RABGAP1L: variants seen among roughly 807,000 people sequenced by gnomAD.
RABGAP1L encodes rab GTPase-activating protein 1-like.
Under a neutral mutation model 137.7 loss-of-function variants are expected in RABGAP1L, and 63 were observed. The ratio of observed to expected loss-of-function variants is 0.46; its 90% CI spans 0.37 to 0.56. The LOEUF (loss-of-function observed/expected upper bound fraction) is 0.56. Among genes scored for constraint, RABGAP1L ranks in the 20% least tolerant of loss-of-function variants. RABGAP1L has a pLI of 0.00. For synonymous variants in RABGAP1L, 431 were observed against 433.7 expected, an observed-to-expected ratio of 0.99 and a Z score of 0.08; for missense variants, 1,095 against 1,244.0, an observed-to-expected ratio of 0.88 and a Z score of 1.80.
chr1:174,700,178 A>G (rs1679544785), intron 16 of RABGAP1L, among the ~76,000 whole-genome samples: 1 of 152,216 alleles, frequency 6.6e-6, no homozygotes, highest in Non-Finnish European at 1.5e-5. Flanking sequence ...TGTGTGAGAA[A>G]CATGCATCCT....
At chr1:174,537,038 A>G (rs1664949135) in intron 13 of RABGAP1L, among the ~76,000 whole-genome samples, 1 of 152,192 alleles carries the variant, frequency 6.6e-6, no homozygotes, top group Non-Finnish European at 1.5e-5. Flanking sequence ...TTGACTTAAA[A>G]GGCCAACAAT....
Position 174,737,255 on chromosome 1 carries a change from C to T in RABGAP1L, c.2170-15058C>T, listed in dbSNP as rs78256769. Reference sequence around the variant, plus strand: ...TTGTAGGTTGTTAGAAGCAGCCATACTACCTCTAGAACACTTTGCTGCTTA... The same window carrying T: ...TTGTAGGTTGTTAGAAGCAGCCATATTACCTCTAGAACACTTTGCTGCTTA... On this transcript the variant is annotated intron_variant, in intron 17 of 25. Transcript: ENST00000681986. Among the ~76,000 whole-genome samples, 1,469 of 152,286 alleles carry T rather than the reference C, an allele frequency of 9.6e-3. 11 individuals carry two copies. The highest frequency in any genetic ancestry group is 0.013 in the Non-Finnish European group (873 of 68,020).
At chr1:174,987,753 C>T (rs916239690) in intron 24 of RABGAP1L, among the ~76,000 whole-genome samples, 4 of 152,136 alleles carry the variant, frequency 2.6e-5, no homozygotes, top group African/African-American at 9.7e-5. Context: ...AAAACAGTTG[C>T]TGTTGTTTAG....
At chr1:174,638,921 GAT>G (rs1253148803) in intron 14 of RABGAP1L, among the ~76,000 whole-genome samples, 8 of 139,264 alleles carry the variant, frequency 5.7e-5, no homozygotes, top group Admixed American at 1.4e-4. Flanking sequence ...AGCATTGGGA[GAT>G]ATACCTAATG....
At chr1:174,327,998 T>TATAC (rs1680673394) in intron 11 of RABGAP1L, among the ~76,000 whole-genome samples, 1 of 90,144 alleles carries the variant, frequency 1.1e-5, no homozygotes, top group Admixed American at 1.1e-4. Context: ...TATATATATA[T>TATAC]ATATATATAT....
chr1:174,625,881 ATAT>A (rs1384426713), intron 13 of RABGAP1L, among the ~76,000 whole-genome samples: 1 of 152,218 alleles, frequency 6.6e-6, no homozygotes, highest in East Asian at 1.9e-4. Flanking sequence ...AAGTAAAGGA[ATAT>A]TATTTTTATA....
At chr1:174,435,313 T>A (rs1653129753) in intron 13 of RABGAP1L, among the ~76,000 whole-genome samples, 1 of 152,226 alleles carries the variant, frequency 6.6e-6, no homozygotes, top group African/African-American at 2.4e-5. Flanking sequence ...CCACTGCACC[T>A]GTTCATCTTT....
chr1:174,989,830 A>G lies in RABGAP1L; in HGVS notation c.3004-19A>G, dbSNP rs1016896261. 6.5e-7 allele frequency: 1 copy of G among 1,546,368 alleles called. No homozygotes were observed. Among genetic ancestry groups the G allele is most frequent in the African/African-American group, 1.4e-5 (1 of 72,770 alleles). On this transcript the variant is annotated intron_variant, in intron 25 of 25. Coordinates refer to ENST00000681986, the MANE Select transcript of RABGAP1L (RefSeq NM_001366446.1). The stretch of plus-strand genomic sequence containing the variant: ...AGAAAACATTTATTTAACTCAGATG[A>G]TTTTCTTGCTTTAATTAGGAACTTG...
chr1:174,863,301 T>C lies in RABGAP1L; in HGVS notation c.2340+51341T>C, dbSNP rs565147312. 2.1e-3 allele frequency among the ~76,000 whole-genome samples: 320 copies of C among 150,166 alleles called. 1 individual carries two copies. The highest frequency in any genetic ancestry group is 3.8e-3 in the Non-Finnish European group (259 of 67,562). ...CTTTTTTCTCCCTTCAACCTCTTAGTAACATTGCTGTATTTGTCATTTACT... is the reference window on the plus strand; with the variant it reads ...CTTTTTTCTCCCTTCAACCTCTTAGCAACATTGCTGTATTTGTCATTTACT... On this transcript the variant is annotated intron_variant, in intron 19 of 25. Coordinates refer to ENST00000681986, the MANE Select transcript of RABGAP1L (RefSeq NM_001366446.1).
intron 18 of RABGAP1L, among the ~76,000 whole-genome samples, chr1:174,764,388 T>C (rs1444624469): frequency 1.3e-5 from 2 of 152,118 alleles, no homozygotes; most frequent in African/African-American, 2.4e-5. Context: ...TGCCAAACAG[T>C]TTTCCAAAGC....
intron 18 of RABGAP1L, among the ~76,000 whole-genome samples, chr1:174,779,445 G>A (rs1686779514): frequency 6.6e-6 from 1 of 152,186 alleles, no homozygotes; most frequent in Admixed American, 6.5e-5. Context: ...TTTAAAGACA[G>A]TGTGAGGCTG....
intron 11 of RABGAP1L, among the ~76,000 whole-genome samples, chr1:174,337,648 G>A (rs1681603675): frequency 1.3e-5 from 2 of 152,046 alleles, no homozygotes; most frequent in South Asian, 4.2e-4. Flanking sequence ...TCATTTGAGG[G>A]GATAAAAGCC....
At chr1:174,590,088 G>C (rs1437382589) in intron 13 of RABGAP1L, among the ~76,000 whole-genome samples, 1 of 144,058 alleles carries the variant, frequency 6.9e-6, no homozygotes, top group Non-Finnish European at 1.5e-5. Context: ...CATGAACATG[G>C]AATATCTTTC....
intron 19 of RABGAP1L, among the ~76,000 whole-genome samples, chr1:174,819,390 T>A (rs1339155632): frequency 6.6e-6 from 1 of 152,068 alleles, no homozygotes; most frequent in East Asian, 1.9e-4. Flanking sequence ...ACCTACTATA[T>A]GCCAGGCATT....
chr1:174,902,823 G>C (rs1010117566), intron 19 of RABGAP1L, among the ~76,000 whole-genome samples: 1 of 152,172 alleles, frequency 6.6e-6, no homozygotes, highest in Admixed American at 6.5e-5. Flanking sequence ...TGGGTCAGGT[G>C]GTTTGCCTAG....
intron 1 of RABGAP1L, among the ~76,000 whole-genome samples, chr1:174,180,569 A>T (rs1666271460): frequency 6.6e-6 from 1 of 152,104 alleles, no homozygotes; most frequent in East Asian, 1.9e-4. Context: ...GGCTCAAGGG[A>T]TCTTCCTGCC....
chr1:174,771,617 C>G (rs1013504619), intron 18 of RABGAP1L, among the ~76,000 whole-genome samples: 1 of 151,978 alleles, frequency 6.6e-6, no homozygotes, highest in African/African-American at 2.4e-5. Flanking sequence ...ATAAACAACC[C>G]ATTTGTTCTA....
At chr1:174,518,091 C>G (rs536601751) in intron 13 of RABGAP1L, among the ~76,000 whole-genome samples, 12 of 152,186 alleles carry the variant, frequency 7.9e-5, no homozygotes, top group Non-Finnish European at 1.5e-4. Flanking sequence ...TAAAAGCAAA[C>G]AAAAATGCGC....
intron 13 of RABGAP1L, among the ~76,000 whole-genome samples, chr1:174,551,021 T>TATATATACAC (rs1553330343): frequency 9.0e-5 from 11 of 122,796 alleles, no homozygotes; most frequent in African/African-American, 4.2e-4. Flanking sequence ...TATATATATA[T>TATATATACAC]ACATACACAC....
Sources: gnomAD v4.1 joint callset for allele counts (sites outside exome capture counted in the v4.1 genomes callset) on GRCh38, gnomAD v4.1.1 for gene constraint, MANE v1.5 for transcripts, NCBI Gene and HGNC (gene_info 2026-07-23, HGNC 2026-07-21) for gene names.